The following EGFLAM variants were observed in gnomAD, a reference collection of about 807,000 sequenced individuals.
The protein encoded by EGFLAM is pikachurin.
Under a neutral mutation model 113.1 loss-of-function variants are expected in EGFLAM, and 79 were observed. The ratio of observed to expected loss-of-function variants is 0.70; its 90% CI spans 0.58 to 0.84. The LOEUF (loss-of-function observed/expected upper bound fraction) is 0.84. Among genes scored for constraint, EGFLAM ranks in the 40% least tolerant of loss-of-function variants. EGFLAM has a pLI of 0.00. For synonymous variants in EGFLAM, 504 were observed against 487.6 expected (o/e 1.03, Z -0.44); for missense variants, 1,265 against 1,291.6 (o/e 0.98, Z 0.32).
At chr5:38,433,691 C>G (rs1205595665) in intron 15 of EGFLAM, among the ~76,000 whole-genome samples, 1 of 152,228 alleles carries the variant, frequency 6.6e-6, no homozygotes, top group Admixed American at 6.5e-5. Flanking sequence ...ATCCTTCCTC[C>G]TTTCCTCTTT....
intron 1 of EGFLAM, among the ~76,000 whole-genome samples, chr5:38,288,565 G>A (rs532362685): frequency 1.3e-5 from 2 of 152,248 alleles, no homozygotes; most frequent in South Asian, 4.1e-4. Context: ...ATTTGAGAGT[G>A]GAGTTTTGAG....
chr5:38,301,715 G>A (rs1318596314), intron 1 of EGFLAM, among the ~76,000 whole-genome samples: 1 of 152,082 alleles, frequency 6.6e-6, no homozygotes, highest in African/African-American at 2.4e-5. Flanking sequence ...TTGAAGGGGG[G>A]TAGGGTGGGA....
In EGFLAM at chr5:38,352,296, C is replaced by T. The variant is rs571639364; in HGVS notation, c.510C>T (p.Ser170=). 2.3e-5 allele frequency: 37 copies of T among 1,613,914 alleles called. No homozygotes were observed. The highest frequency in any genetic ancestry group is 2.1e-4 in the South Asian group (19 of 91,072). ...LSWKPGASEG[S]APIQYYSVEF... ...GGAAACCTGGAGCGAGTGAAGGAAG[C>T]GCCCCTATTCAGTACTATTCTGTGG... The change falls in exon 5 of 22, where the codon AGC becomes AGT. Residue 170 remains serine (S), a synonymous_variant. Transcript: ENST00000322350.
At chr5:38,301,976 AC>A (rs1013634726) in intron 1 of EGFLAM, among the ~76,000 whole-genome samples, 2 of 152,136 alleles carry the variant, frequency 1.3e-5, no homozygotes, top group African/African-American at 4.8e-5. Flanking sequence ...GCGGTGGCTC[AC>A]ACCTGTAATC....
At chr5:38,457,752 T>A (rs1206938740) in intron 19 of EGFLAM, among the ~76,000 whole-genome samples, 7 of 152,192 alleles carry the variant, frequency 4.6e-5, no homozygotes, top group African/African-American at 1.2e-4. Flanking sequence ...CCCTTCTTGT[T>A]ATTCCTGATA....
At chr5:38,463,070 C>T in intron 21 of EGFLAM, 59 bp downstream of exon 21, 43 of 1,535,544 alleles carry the variant, frequency 2.8e-5, no homozygotes, top group Non-Finnish European at 3.9e-5. Context: ...TGTTAGTCTT[C>T]CATTTGCTGT....
rs1741951499 is a variant in EGFLAM, at chr5:38,425,010, T to C, written c.1728T>C (p.His576=). Residue 576 remains histidine, a synonymous_variant, in exon 13 of 22, where the codon CAT becomes CAC. Transcript: ENST00000322350. Reference sequence around the variant, plus strand: ...TCTGTGATGAGGCCTCGTGCATCCATGGTGGCACCTGCACAGCAATCAAAG... The same window carrying C: ...TCTGTGATGAGGCCTCGTGCATCCACGGTGGCACCTGCACAGCAATCAAAG... ...SGICDEASCI[H]GGTCTAIKAD... is the part of the protein sequence containing the mutation. 3.1e-6 allele frequency: 5 copies of C among 1,614,120 alleles called. No homozygotes were observed. The highest frequency in any genetic ancestry group is 1.3e-5 in the African/African-American group (1 of 75,044).
intron 5 of EGFLAM, among the ~76,000 whole-genome samples, chr5:38,358,446 CAAA>C (rs34444620): frequency 4.0e-5 from 3 of 74,112 alleles, no homozygotes; most frequent in African/African-American, 1.1e-4. Flanking sequence ...GACTCCGTCT[CAAA>C]AAAAAAAAAA....
At chr5:38,351,087 C>A (rs1358970310) in intron 4 of EGFLAM, among the ~76,000 whole-genome samples, 5 of 150,178 alleles carry the variant, frequency 3.3e-5, no homozygotes, top group African/African-American at 1.2e-4. Context: ...AAGCCAATGA[C>A]AAATGAGTGA....
At chr5:38,290,221 C>A (rs1375525059) in intron 1 of EGFLAM, among the ~76,000 whole-genome samples, 1 of 152,160 alleles carries the variant, frequency 6.6e-6, no homozygotes. Flanking sequence ...CCTCTGAGAG[C>A]CTGTAGAACA....
At chr5:38,417,079 C>T (rs1483788250) in intron 11 of EGFLAM, among the ~76,000 whole-genome samples, 1 of 151,986 alleles carries the variant, frequency 6.6e-6, no homozygotes, top group South Asian at 2.1e-4. Context: ...CCAGGCCGGG[C>T]GTGGTAGCTC....
chr5:38,265,149 G>T (rs1223718813), intron 1 of EGFLAM, among the ~76,000 whole-genome samples: 1 of 152,174 alleles, frequency 6.6e-6, no homozygotes, highest in African/African-American at 2.4e-5. Context: ...GCTGAGTGGT[G>T]CTTTTTGTTC....
At chr5:38,380,778 T>C (rs1277425984) in intron 6 of EGFLAM, among the ~76,000 whole-genome samples, 1 of 149,216 alleles carries the variant, frequency 6.7e-6, no homozygotes, top group African/African-American at 2.5e-5. Context: ...CAGGGAATGA[T>C]TCACTTTGCT....
chr5:38,299,904 G>A (rs1273064028), intron 1 of EGFLAM, among the ~76,000 whole-genome samples: 1 of 152,036 alleles, frequency 6.6e-6, no homozygotes, highest in African/African-American at 2.4e-5. Flanking sequence ...TAGGTGTTTG[G>A]GATGCCTTAA....
intron 6 of EGFLAM, among the ~76,000 whole-genome samples, chr5:38,374,170 T>G (rs989031244): frequency 2.0e-5 from 3 of 152,204 alleles, no homozygotes; most frequent in Non-Finnish European, 2.9e-5. Flanking sequence ...TGTATATCAT[T>G]TTTTGAGAAA....
At chr5:38,331,594 G>C (rs1342973536) in intron 1 of EGFLAM, among the ~76,000 whole-genome samples, 1 of 152,004 alleles carries the variant, frequency 6.6e-6, no homozygotes, top group African/African-American at 2.4e-5. Flanking sequence ...GTGCTTACTG[G>C]TTATTTTATG....
At chr5:38,435,955 T>A (rs1004998469) in intron 16 of EGFLAM, among the ~76,000 whole-genome samples, 2 of 151,860 alleles carry the variant, frequency 1.3e-5, no homozygotes, top group Admixed American at 6.6e-5. Flanking sequence ...ATAGCTGGGA[T>A]TACAGGTGCC....
intron 6 of EGFLAM, among the ~76,000 whole-genome samples, chr5:38,402,714 T>G (rs1228558036): frequency 6.6e-6 from 1 of 152,220 alleles, no homozygotes; most frequent in Non-Finnish European, 1.5e-5. Flanking sequence ...AAATATATCA[T>G]GTTAAGCACC....
intron 1 of EGFLAM, among the ~76,000 whole-genome samples, chr5:38,332,570 A>C (rs1739075257): frequency 6.6e-6 from 1 of 152,226 alleles, no homozygotes. Flanking sequence ...GGGGACTCAC[A>C]GCCTTCAGAG....
Sources: gnomAD v4.1 joint callset for allele counts (sites outside exome capture counted in the v4.1 genomes callset) on GRCh38, gnomAD v4.1.1 for gene constraint, MANE v1.5 for transcripts, NCBI Gene and HGNC (gene_info 2026-07-23, HGNC 2026-07-21) for gene names.